Variants in PRELID2 observed in about 807,000 individuals in gnomAD.
PRELID2 encodes PRELI domain containing 2, also known as PRELI domain-containing protein 2.
In PRELID2, 25 loss-of-function variants were observed where a neutral mutation model predicts 28.4. That is an observed-to-expected ratio of 0.88 (90% CI 0.64 to 1.23). The LOEUF (loss-of-function observed/expected upper bound fraction) is 1.23, where lower values mean the gene tolerates loss of function less well. Among genes scored for constraint, PRELID2 ranks in the 50% most tolerant of loss-of-function variants. The pLI is 0.00. For missense variants in PRELID2, 201 were observed against 214.4 expected (o/e 0.94, Z 0.39); for synonymous variants, 76 against 71.6 (o/e 1.06, Z -0.31).
At chr5:145,286,548 C>T in the PRELID2 span, among the ~76,000 whole-genome samples, 1 of 152,140 alleles carries the variant, frequency 6.6e-6, no homozygotes, top group Admixed American at 6.5e-5. Context: ...CAGATCATCT[C>T]ACACAACCCA....
the PRELID2 span, among the ~76,000 whole-genome samples, chr5:145,373,998 A>T: frequency 2.7e-5 from 4 of 147,454 alleles, no homozygotes; most frequent in African/African-American, 9.9e-5. Flanking sequence ...AGTTAGTATT[A>T]TTATGTGTGA....
downstream of PRELID2, among the ~76,000 whole-genome samples, chr5:145,753,277 T>A (rs531886710): frequency 2.6e-5 from 4 of 152,306 alleles, no homozygotes; most frequent in African/African-American, 9.6e-5. Flanking sequence ...AGCTACATCT[T>A]AAGGTCCGGC....
chr5:145,642,142 G>T (rs1418240550), intron 1 of PRELID2, among the ~76,000 whole-genome samples: 3 of 152,006 alleles, frequency 2.0e-5, no homozygotes, highest in Admixed American at 2.0e-4. Context: ...CAGTGTAAAA[G>T]TGTTCCTATT....
chr5:145,738,000 T>A (rs1248424357), intron 1 of PRELID2, among the ~76,000 whole-genome samples: 1 of 152,150 alleles, frequency 6.6e-6, no homozygotes, highest in African/African-American at 2.4e-5. Flanking sequence ...AAACCCATAG[T>A]GACAGTGGAG....
the PRELID2 span, among the ~76,000 whole-genome samples, chr5:145,272,963 C>T: frequency 1.3e-5 from 2 of 152,030 alleles, no homozygotes; most frequent in Non-Finnish European, 1.5e-5. Context: ...TTCATGGGCA[C>T]AGAGTGCGTG....
chr5:145,450,114 T>C, the PRELID2 span, among the ~76,000 whole-genome samples: 1 of 152,146 alleles, frequency 6.6e-6, no homozygotes, highest in Non-Finnish European at 1.5e-5. Flanking sequence ...CATGGAAACC[T>C]AATACTCCTT....
chr5:145,420,112 C>T, the PRELID2 span, among the ~76,000 whole-genome samples: 40 of 151,968 alleles, frequency 2.6e-4, no homozygotes, highest in African/African-American at 8.9e-4. Context: ...GTACCAGTTC[C>T]ATGCTGTTTT....
At chr5:145,373,055 TATATA>T in the PRELID2 span, among the ~76,000 whole-genome samples, 2 of 84,726 alleles carry the variant, frequency 2.4e-5, no homozygotes, top group African/African-American at 9.9e-5. Flanking sequence ...TATTACAACA[TATATA>T]ATATATGATA....
the PRELID2 span, among the ~76,000 whole-genome samples, chr5:145,315,545 GGTGTGTGT>G: frequency 6.8e-3 from 973 of 142,994 alleles, 17 homozygotes; most frequent in African/African-American, 0.023. Context: ...GCTCTTTCAG[GGTGTGTGT>G]GTGTGTGTGT....
chr5:145,622,779 T>C (rs1361535192), intron 1 of PRELID2, among the ~76,000 whole-genome samples: 1 of 151,870 alleles, frequency 6.6e-6, no homozygotes, highest in Non-Finnish European at 1.5e-5. Flanking sequence ...ATGGAATAAG[T>C]AATTTAAGAT....
At chr5:145,694,402 A>G (rs540597736) in intron 1 of PRELID2, among the ~76,000 whole-genome samples, 7 of 152,146 alleles carry the variant, frequency 4.6e-5, no homozygotes, top group Non-Finnish European at 1.0e-4. Flanking sequence ...AAAATATTTT[A>G]ATGTTGATAA....
chr5:145,257,500 A>G, the PRELID2 span, among the ~76,000 whole-genome samples: 1 of 152,322 alleles, frequency 6.6e-6, no homozygotes, highest in African/African-American at 2.4e-5. Flanking sequence ...GAATCCACAT[A>G]TAAACAAATA....
At chr5:145,348,444 T>A in the PRELID2 span, among the ~76,000 whole-genome samples, 7 of 152,212 alleles carry the variant, frequency 4.6e-5, no homozygotes, top group Middle Eastern at 3.4e-3. Context: ...CTCTTAAATA[T>A]AATGATCAAA....
At chr5:145,405,698 AGTT>A in the PRELID2 span, among the ~76,000 whole-genome samples, 40,881 of 110,262 alleles carry the variant, frequency 0.37, 7,807 homozygotes, top group Non-Finnish European at 0.41. Flanking sequence ...GGTACCACAT[AGTT>A]GTTTTTTTTT....
intron 1 of PRELID2, among the ~76,000 whole-genome samples, chr5:145,674,746 C>T (rs1029890345): frequency 3.9e-5 from 6 of 151,932 alleles, no homozygotes; most frequent in African/African-American, 1.5e-4. Context: ...GAATTTGAGA[C>T]CAAAAGCCTG....
At chr5:145,492,866 G>T (rs1418354361) in intron 1 of PRELID2, among the ~76,000 whole-genome samples, 1 of 140,612 alleles carries the variant, frequency 7.1e-6, no homozygotes, top group East Asian at 2.0e-4. Context: ...TGGCACCAGG[G>T]TCAGTCTAGA....
intron 6 of PRELID2, among the ~76,000 whole-genome samples, chr5:145,763,232 G>A (rs1031142807): frequency 6.6e-6 from 1 of 152,198 alleles, no homozygotes; most frequent in African/African-American, 2.4e-5. Flanking sequence ...GCCTAAGCAT[G>A]CAAGTACAAG....
Position 145,493,260 on chromosome 5 carries a change from C to T in PRELID2, n.71-19945G>A, listed in dbSNP as rs1167542780. On this transcript the variant is annotated intron_variant and non_coding_transcript_variant, in intron 1 of 2. Coordinates refer to the PRELID2 transcript ENST00000510259. The stretch of plus-strand genomic sequence containing the variant: ...AGTCAGCTTTAATACTCCCTTCTCC[C>T]TCGCTGCCTATGTCCAGATGATCAT... 1.3e-5 allele frequency among the ~76,000 whole-genome samples: 2 copies of T among 152,136 alleles called. 1 individual carries two copies. The highest frequency in any genetic ancestry group is 2.9e-5 in the Non-Finnish European group (2 of 68,016).
the PRELID2 span, among the ~76,000 whole-genome samples, chr5:145,369,400 C>G: frequency 1.6e-4 from 24 of 152,062 alleles, no homozygotes; most frequent in East Asian, 4.1e-3. Flanking sequence ...TGTTAGTTTG[C>G]TGAGAATGAT....
Sources: allele counts gnomAD v4.1 joint callset (sites outside exome capture counted in the v4.1 genomes callset), GRCh38; gene constraint gnomAD v4.1.1; transcripts MANE v1.5; gene names NCBI Gene and HGNC (gene_info 2026-07-23, HGNC 2026-07-21).